The following CSGALNACT1 variants were observed in gnomAD, a reference collection of about 807,000 sequenced individuals.
CSGALNACT1 encodes chondroitin sulfate N-acetylgalactosaminyltransferase 1, also known as beta4GalNAcT-1.
CSGALNACT1 carries 52 observed loss-of-function variants against 51.0 expected under a neutral mutation model. The ratio of observed to expected loss-of-function variants is 1.02; its 90% CI spans 0.82 to 1.29. The LOEUF is 1.29. Among genes scored for constraint, CSGALNACT1 ranks in the 50% most tolerant of loss-of-function variants. The pLI is 0.00. For missense variants in CSGALNACT1, 935 were observed against 679.2 expected (o/e 1.38, Z -4.19); for synonymous variants, 341 against 254.4 (o/e 1.34, Z -3.24).
intron 4 of CSGALNACT1, among the ~76,000 whole-genome samples, chr8:19,459,264 C>A (rs1292731789): frequency 6.6e-6 from 1 of 151,350 alleles, no homozygotes; most frequent in African/African-American, 2.4e-5. Flanking sequence ...GCGCCTGTAA[C>A]CCTGGCTACT....
exon 4 of CSGALNACT1, chr8:19,505,328 C>G: frequency 6.2e-7 from 1 of 1,614,196 alleles, no homozygotes; most frequent in Non-Finnish European, 8.5e-7. Context: ...TCACAGGCTT[C>G]TCCTCGGGGT....
intron 1 of CSGALNACT1, among the ~76,000 whole-genome samples, chr8:19,647,108 G>C (rs1480558007): frequency 2.6e-5 from 4 of 152,116 alleles, no homozygotes; most frequent in African/African-American, 7.2e-5. Context: ...CTGAAGGTCA[G>C]CTTCTGAAGG....
intron 6 of CSGALNACT1, 130 bp from the exon 6 acceptor site, chr8:19,420,648 C>T (rs893654385): frequency 1.0e-6 from 1 of 965,222 alleles, no homozygotes; most frequent in Non-Finnish European, 1.7e-6. Flanking sequence ...CTGGGACTCC[C>T]CAAGAAGTTA....
intron 3 of CSGALNACT1, among the ~76,000 whole-genome samples, chr8:19,545,116 G>A (rs1053042936): frequency 6.6e-6 from 1 of 152,070 alleles, no homozygotes; most frequent in Admixed American, 6.6e-5. Context: ...CACCCTGGAA[G>A]CTAGAAAATA....
intron 1 of CSGALNACT1, among the ~76,000 whole-genome samples, chr8:19,630,255 T>TGTGTGTGTGTGTGTG (rs2055062496): frequency 6.6e-6 from 1 of 150,586 alleles, no homozygotes; most frequent in African/African-American, 2.4e-5. Flanking sequence ...TGTGTGTGTG[T>TGTGTGTGTGTGTGTG]TCTAGTAAAA....
intron 5 of CSGALNACT1, among the ~76,000 whole-genome samples, chr8:19,441,942 T>C (rs1307430129): frequency 6.6e-6 from 1 of 152,212 alleles, no homozygotes; most frequent in Admixed American, 6.5e-5. Flanking sequence ...AGAAGACATT[T>C]ATGCAGCCAA....
At chr8:19,507,178 A>G (rs1023698400) in intron 3 of CSGALNACT1, among the ~76,000 whole-genome samples, 1 of 152,192 alleles carries the variant, frequency 6.6e-6, no homozygotes, top group Non-Finnish European at 1.5e-5. Flanking sequence ...CAGGAGATGA[A>G]TTTATCATAG....
chr8:19,705,541 G>A (rs772356886), intron 1 of CSGALNACT1, among the ~76,000 whole-genome samples: 11 of 152,136 alleles, frequency 7.2e-5, no homozygotes, highest in African/African-American at 2.7e-4. Flanking sequence ...CTCAAGACCA[G>A]CTTAGGCAAT....
At chr8:19,581,189 TA>T (rs1354173571) in intron 3 of CSGALNACT1, among the ~76,000 whole-genome samples, 1 of 152,108 alleles carries the variant, frequency 6.6e-6, no homozygotes, top group Non-Finnish European at 1.5e-5. Flanking sequence ...AAAATATACC[TA>T]AAAGCCATCA....
intron 4 of CSGALNACT1, among the ~76,000 whole-genome samples, chr8:19,478,106 G>A (rs2070253455): frequency 6.7e-6 from 1 of 149,860 alleles, no homozygotes; most frequent in African/African-American, 2.4e-5. Flanking sequence ...GGAATCATTT[G>A]GGGAGCTTTA....
At chr8:19,468,049 G>A (rs1199040338) in intron 4 of CSGALNACT1, among the ~76,000 whole-genome samples, 1 of 152,172 alleles carries the variant, frequency 6.6e-6, no homozygotes, top group African/African-American at 2.4e-5. Flanking sequence ...TCACATTCTA[G>A]AGAGAAAGAC....
At chr8:19,753,439 C>G (rs751100327) in intron 1 of CSGALNACT1, among the ~76,000 whole-genome samples, 1 of 152,174 alleles carries the variant, frequency 6.6e-6, no homozygotes, top group Non-Finnish European at 1.5e-5. Context: ...AACTCAGAGA[C>G]ATTCTGCTAG....
chr8:19,657,686 C>T (rs189076855), intron 1 of CSGALNACT1, among the ~76,000 whole-genome samples: 1 of 152,246 alleles, frequency 6.6e-6, no homozygotes, highest in Non-Finnish European at 1.5e-5. Context: ...AGAATAAGGG[C>T]AAAACAAATC....
intron 1 of CSGALNACT1, among the ~76,000 whole-genome samples, chr8:19,682,276 T>A (rs1200393392): frequency 6.6e-6 from 1 of 152,104 alleles, no homozygotes; most frequent in African/African-American, 2.4e-5. Flanking sequence ...AGCCTGTCTC[T>A]CCTCTCCCTG....
chr8:19,410,437 G>A (rs532929741), intron 8 of CSGALNACT1, among the ~76,000 whole-genome samples: 1 of 152,286 alleles, frequency 6.6e-6, no homozygotes, highest in East Asian at 1.9e-4. Flanking sequence ...TCCTTCTGCT[G>A]GCAACCTAGA....
chr8:19,591,726 C>G (rs1003801622), intron 2 of CSGALNACT1, among the ~76,000 whole-genome samples: 1 of 151,304 alleles, frequency 6.6e-6, no homozygotes, highest in African/African-American at 2.4e-5. Flanking sequence ...GAGTTTCAGA[C>G]AAGCTTGGGC....
chr8:19,464,026 T>G (rs1047576658), intron 4 of CSGALNACT1, among the ~76,000 whole-genome samples: 1 of 152,160 alleles, frequency 6.6e-6, no homozygotes, highest in African/African-American at 2.4e-5. Context: ...TGACTCAGAT[T>G]CCCCGCCCCC....
At chr8:19,755,917 A>G (rs2065343905) in intron 1 of CSGALNACT1, among the ~76,000 whole-genome samples, 1 of 152,230 alleles carries the variant, frequency 6.6e-6, no homozygotes, top group South Asian at 2.1e-4. Context: ...TACAATGGGT[A>G]TGGCCCGTCT....
chr8:19,729,997 T>G (rs1320386090), intron 1 of CSGALNACT1, among the ~76,000 whole-genome samples: 1 of 152,098 alleles, frequency 6.6e-6, no homozygotes, highest in Non-Finnish European at 1.5e-5. Flanking sequence ...CACCTGCCAT[T>G]CCATGTTCAG....
Sources: gnomAD v4.1 joint callset for allele counts (sites outside exome capture counted in the v4.1 genomes callset) on GRCh38, gnomAD v4.1.1 for gene constraint, MANE v1.5 for transcripts, NCBI Gene and HGNC (gene_info 2026-07-23, HGNC 2026-07-21) for gene names.